AGBL1: variants seen among roughly 807,000 people sequenced by gnomAD.
AGBL1 encodes the protein AGBL carboxypeptidase 1, also known as cytosolic carboxypeptidase 4.
A neutral mutation model predicts 118.9 loss-of-function variants in AGBL1; 130 were observed. The observed-to-expected ratio is 1.09, with a 90% CI of 0.95 to 1.26. AGBL1 has a LOEUF of 1.26. Among genes scored for constraint, AGBL1 ranks in the 50% most tolerant of loss-of-function variants. AGBL1 has a pLI of 0.00. For missense variants in AGBL1, 1,584 were observed against 1,298.1 expected (o/e 1.22, Z -3.38); for synonymous variants, 555 against 478.9 (o/e 1.16, Z -2.08).
At chr15:86,894,923 C>G (rs2080101117) in intron 22 of AGBL1, among the ~76,000 whole-genome samples, 1 of 152,190 alleles carries the variant, frequency 6.6e-6, no homozygotes, top group Non-Finnish European at 1.5e-5. Context: ...TTTGCTAGAT[C>G]TGAACAACTT....
intron 19 of AGBL1, among the ~76,000 whole-genome samples, chr15:86,529,261 A>G (rs989896275): frequency 7.6e-6 from 1 of 131,236 alleles, no homozygotes; most frequent in African/African-American, 4.0e-5. Flanking sequence ...AGAAGTGCTT[A>G]AAGGAGCCGA....
chr15:86,240,255 G>A (rs1039025420), intron 6 of AGBL1, among the ~76,000 whole-genome samples: 3 of 152,312 alleles, frequency 2.0e-5, no homozygotes, highest in African/African-American at 4.8e-5. Flanking sequence ...GAAATATTTA[G>A]TAAATAAATA....
intron 23 of AGBL1, among the ~76,000 whole-genome samples, chr15:86,973,435 C>T (rs1373912382): frequency 6.6e-6 from 1 of 151,874 alleles, no homozygotes; most frequent in East Asian, 1.9e-4. Flanking sequence ...CAATTGACTT[C>T]CTGTCATTTC....
intron 21 of AGBL1, among the ~76,000 whole-genome samples, chr15:86,607,131 T>C (rs2084588861): frequency 6.6e-6 from 1 of 152,228 alleles, no homozygotes; most frequent in Non-Finnish European, 1.5e-5. Context: ...CCATTTCTTT[T>C]TATGGCTTGA....
intron 5 of AGBL1, among the ~76,000 whole-genome samples, chr15:86,202,115 A>T (rs556738728): frequency 1.3e-5 from 2 of 152,276 alleles, no homozygotes; most frequent in South Asian, 2.1e-4. Context: ...CAACATGGTG[A>T]AACCCCATCT....
intron 1 of AGBL1, among the ~76,000 whole-genome samples, chr15:86,141,769 C>T (rs1331045069): frequency 6.6e-6 from 1 of 152,208 alleles, no homozygotes; most frequent in Non-Finnish European, 1.5e-5. Flanking sequence ...TTCTTTTGTT[C>T]ATCTTGCTGA....
At chr15:86,244,418 C>T (rs1165026718) in intron 6 of AGBL1, among the ~76,000 whole-genome samples, 5 of 152,210 alleles carry the variant, frequency 3.3e-5, no homozygotes, top group African/African-American at 1.2e-4. Context: ...TCCACATTTG[C>T]TCTTTCTCAG....
chr15:86,198,140 G>C (rs2077845232), intron 5 of AGBL1, among the ~76,000 whole-genome samples: 1 of 152,180 alleles, frequency 6.6e-6, no homozygotes, highest in African/African-American at 2.4e-5. Flanking sequence ...AACAGAATTT[G>C]CCTTGCTAGG....
At chr15:86,645,234 T>C (rs1401266655) in intron 21 of AGBL1, among the ~76,000 whole-genome samples, 1 of 152,224 alleles carries the variant, frequency 6.6e-6, no homozygotes, top group Admixed American at 6.5e-5. Context: ...TTAGGATCTG[T>C]AAGCTATTTT....
chr15:86,917,722 C>T (rs184245024), downstream of AGBL1, among the ~76,000 whole-genome samples: 1 of 152,142 alleles, frequency 6.6e-6, no homozygotes, highest in East Asian at 1.9e-4. The surrounding 1 kb of genome is among the most constrained non-coding windows in gnomAD (Gnocchi z 4.8). Flanking sequence ...CTCTGCTGTG[C>T]ATTAGATGGT....
intron 5 of AGBL1, among the ~76,000 whole-genome samples, chr15:86,172,775 T>A (rs2077433286): frequency 6.6e-6 from 1 of 152,228 alleles, no homozygotes. Context: ...GTTGATTCCA[T>A]ATCTTGGCTC....
Position 86,477,931 on chromosome 15 carries a change from C to T in AGBL1, c.2556-44879C>T, listed in dbSNP as rs184404762. On this transcript the variant is annotated intron_variant, in intron 18 of 22. Transcript: ENST00000614907. The stretch of plus-strand genomic sequence containing the variant: ...TGGGATGCAAGGCTGATTCAACATA[C>T]GCAAATCAAGAAACATAATCCAGCA... Among the ~76,000 whole-genome samples the T allele has an allele frequency of 2.2e-3, 340 of 152,142 alleles. 4 individuals are homozygous for T. Among genetic ancestry groups the T allele is most frequent in the African/African-American group, 7.8e-3 (324 of 41,502 alleles).
intron 21 of AGBL1, among the ~76,000 whole-genome samples, chr15:86,618,444 C>T (rs2084760085): frequency 1.3e-5 from 2 of 152,114 alleles, no homozygotes; most frequent in South Asian, 4.1e-4. Context: ...CTCCCAGGGC[C>T]ACCCTCATCA....
rs553696542 is a variant in AGBL1, at chr15:86,960,933, T to A, written c.3222-27054T>A. On this transcript the variant is annotated intron_variant, in intron 23 of 24. Coordinates refer to the AGBL1 transcript ENST00000441037. ...AATGGTTATTGCCAGGTGCTGGAGG[T>A]TGGGGCAGATGGGGAGTGGTTGGTT... Among the ~76,000 whole-genome samples, 5 of 152,056 alleles carry A rather than the reference T, an allele frequency of 3.3e-5. No homozygotes were observed. In the East Asian group the frequency reaches 9.7e-4, roughly 30 times the overall value.
chr15:86,691,653 A>T (rs1195600525), intron 22 of AGBL1, among the ~76,000 whole-genome samples: 2 of 152,152 alleles, frequency 1.3e-5, no homozygotes, highest in Admixed American at 1.3e-4. Context: ...AAAACAAATA[A>T]GATCATAGGC....
chr15:86,168,418 T>G (rs1212853249), intron 5 of AGBL1, among the ~76,000 whole-genome samples: 1 of 152,158 alleles, frequency 6.6e-6, no homozygotes, highest in Non-Finnish European at 1.5e-5. Flanking sequence ...GTGATATGTA[T>G]CAAGACAAAA....
At chr15:86,722,090 T>C (rs1309033413) in intron 22 of AGBL1, among the ~76,000 whole-genome samples, 1 of 152,012 alleles carries the variant, frequency 6.6e-6, no homozygotes, top group Non-Finnish European at 1.5e-5. Context: ...CCCAAGGTAA[T>C]TTATAGATTC....
At chr15:86,660,135 G>A (rs150047476) in intron 21 of AGBL1, among the ~76,000 whole-genome samples, 8 of 151,674 alleles carry the variant, frequency 5.3e-5, no homozygotes, top group East Asian at 1.9e-4. Context: ...CAAGAAAGAC[G>A]GTTTCCTGCA....
At chr15:86,744,675 C>T (rs1048294677) in intron 22 of AGBL1, among the ~76,000 whole-genome samples, 1 of 152,098 alleles carries the variant, frequency 6.6e-6, no homozygotes, top group Non-Finnish European at 1.5e-5. Flanking sequence ...CTCCCTTCCC[C>T]GTGTTTCTCC....
Sources: allele counts gnomAD v4.1 joint callset (sites outside exome capture counted in the v4.1 genomes callset), GRCh38; gene constraint gnomAD v4.1.1; non-coding constraint Gnocchi (gnomAD v3.1); transcripts MANE v1.5; gene names NCBI Gene and HGNC (gene_info 2026-07-23, HGNC 2026-07-21).